Variants in SPIRE1 observed in about 807,000 individuals in gnomAD.
The protein encoded by SPIRE1 is protein spire homolog 1.
In SPIRE1, 40 loss-of-function variants were observed where a neutral mutation model predicts 94.1. The ratio of observed to expected loss-of-function variants is 0.43; its 90% CI spans 0.33 to 0.55. The LOEUF is 0.55. Ranked by LOEUF, SPIRE1 falls within the 20% of genes least tolerant of loss-of-function variation. The pLI is 0.06. For missense variants in SPIRE1, 838 were observed against 975.2 expected (o/e 0.86, Z 1.87); for synonymous variants, 376 against 371.7 (o/e 1.01, Z -0.13).
intron 16 of SPIRE1, among the ~76,000 whole-genome samples, chr18:12,450,103 G>A (rs1286564124): frequency 2.6e-5 from 4 of 152,004 alleles, no homozygotes; most frequent in Non-Finnish European, 5.9e-5. Context: ...GGCCTAGTGC[G>A]GTGGCTCACG....
intron 2 of SPIRE1, among the ~76,000 whole-genome samples, chr18:12,570,645 C>T (rs2035938749): frequency 6.6e-6 from 1 of 152,164 alleles, no homozygotes; most frequent in African/African-American, 2.4e-5. Context: ...AAAACTGAGG[C>T]AGTTAATATA....
At chr18:12,543,196 C>T (rs2035058450) in intron 3 of SPIRE1, among the ~76,000 whole-genome samples, 1 of 152,200 alleles carries the variant, frequency 6.6e-6, no homozygotes. Context: ...GGACTGCCTT[C>T]TGCCTGATGT....
intron 2 of SPIRE1, among the ~76,000 whole-genome samples, chr18:12,564,488 C>T (rs2035767184): frequency 6.6e-6 from 1 of 152,124 alleles, no homozygotes; most frequent in Non-Finnish European, 1.5e-5. Flanking sequence ...GTTTCTAAAT[C>T]CACATGTAAG....
chr18:12,505,309 C>T (rs538765866), intron 6 of SPIRE1, among the ~76,000 whole-genome samples: 13 of 152,100 alleles, frequency 8.5e-5, no homozygotes, highest in South Asian at 2.1e-4. Flanking sequence ...CTTTGGGAGG[C>T]GGAGGCAGGT....
At chr18:12,461,514 A>ATATGTGTGGTATGTACG in intron 12 of SPIRE1, among the ~76,000 whole-genome samples, 1 of 134,680 alleles carries the variant, frequency 7.4e-6, no homozygotes, top group African/African-American at 2.8e-5. Context: ...ATGTACGTAC[A>ATATGTGTGGTATGTACG]TACATATGTG....
At chr18:12,458,107 G>A (rs1452797704) in intron 12 of SPIRE1, among the ~76,000 whole-genome samples, 3 of 151,184 alleles carry the variant, frequency 2.0e-5, no homozygotes, top group Non-Finnish European at 4.4e-5. Context: ...GCCTCCCAAA[G>A]TGCTGGGATT....
At chr18:12,654,747 A>T (rs2038487346) in intron 1 of SPIRE1, among the ~76,000 whole-genome samples, 1 of 146,834 alleles carries the variant, frequency 6.8e-6, no homozygotes, top group Non-Finnish European at 1.5e-5. Context: ...CTGAAACGAG[A>T]AGTCAGGCGC....
chr18:12,649,344 G>A (rs1271630368), intron 1 of SPIRE1, among the ~76,000 whole-genome samples: 4 of 152,062 alleles, frequency 2.6e-5, no homozygotes, highest in Admixed American at 1.3e-4. Flanking sequence ...AGGAGCCGGG[G>A]GCTGCAGCGA....
chr18:12,581,650 G>A lies in SPIRE1; in HGVS notation c.373-34746C>T, dbSNP rs926925909. Among the ~76,000 whole-genome samples, 10 of 152,168 alleles carry A rather than the reference G, an allele frequency of 6.6e-5. No individual in the cohort carries two copies. In the East Asian group the frequency reaches 1.3e-3, roughly 21 times the overall value. On this transcript the variant is annotated intron_variant, in intron 2 of 16. Transcript: ENST00000409402. Reference sequence around the variant, plus strand: ...AGGTCAAGGCGGGCGGATGACCTGAGGTCAGGAATTTGAGACCAGCCTGGC... The same window carrying A: ...AGGTCAAGGCGGGCGGATGACCTGAAGTCAGGAATTTGAGACCAGCCTGGC...
intron 6 of SPIRE1, among the ~76,000 whole-genome samples, chr18:12,497,227 T>G (rs2033489695): frequency 6.6e-6 from 1 of 152,198 alleles, no homozygotes; most frequent in East Asian, 1.9e-4. Context: ...GTAGAAGAGC[T>G]ATTGTGGAGG....
At chr18:12,533,992 G>A (rs2034768431) in intron 4 of SPIRE1, among the ~76,000 whole-genome samples, 1 of 150,642 alleles carries the variant, frequency 6.6e-6, no homozygotes, top group Non-Finnish European at 1.5e-5. Flanking sequence ...TTCACAGAGG[G>A]TTCACCTTTT....
rs372379541 is a variant in SPIRE1 at position 12,568,652 on chromosome 18, A to G, written c.373-21748T>C. Among the ~76,000 whole-genome samples the G allele has an allele frequency of 2.6e-5, 4 of 152,344 alleles. No homozygotes were observed. In the East Asian group the frequency reaches 7.7e-4, roughly 29 times the overall value. ...TTGGATTATGGCTAATTATATACCT[A>G]TCTTAATTCTCCAACAAGACTAAGC... On this transcript the variant is annotated intron_variant, in intron 2 of 16. Coordinates refer to ENST00000409402, the MANE Select transcript of SPIRE1 (RefSeq NM_001128626.2).
At chr18:12,593,639 G>A (rs554641363) in intron 2 of SPIRE1, among the ~76,000 whole-genome samples, 1 of 152,314 alleles carries the variant, frequency 6.6e-6, no homozygotes, top group South Asian at 2.1e-4. Flanking sequence ...ATGGTTTAGT[G>A]GGAGATACAC....
At position 12,447,620 on chromosome 18, in the gene SPIRE1, G is replaced by T. The variant is rs1454025132; in HGVS notation, c.*2018C>A. 1 of 152,162 alleles carries T rather than the reference G, an allele frequency of 6.6e-6. No individual in the cohort carries two copies. The highest frequency in any genetic ancestry group is 1.5e-5 in the Non-Finnish European group (1 of 68,026). The allele number at this position is 152,162 out of a possible 1,614,324, so 9.4% of individuals were successfully genotyped here. On this transcript the variant is annotated 3_prime_UTR_variant, in exon 17 of 17. Transcript: ENST00000409402. Reference sequence around the variant, plus strand: ...AACTCCGTTAATGCTGTTGAAGAATGTATGTTCTGTGCTGTGGTAAGAGGT... The same window carrying T: ...AACTCCGTTAATGCTGTTGAAGAATTTATGTTCTGTGCTGTGGTAAGAGGT...
chr18:12,542,359 A>G (rs1240316883), intron 3 of SPIRE1, among the ~76,000 whole-genome samples: 1 of 152,194 alleles, frequency 6.6e-6, no homozygotes, highest in East Asian at 1.9e-4. Flanking sequence ...GTCAATTTAG[A>G]CTAACCACAT....
At chr18:12,658,252 C>G, upstream of SPIRE1, 1 of 465,482 alleles carries the variant, frequency 2.1e-6, no homozygotes, top group Non-Finnish European at 4.1e-6. Flanking sequence ...GATGGCCGCA[C>G]GGTCTCTAGC....
At position 12,464,912 on chromosome 18, in the gene SPIRE1, G is replaced by C. The variant is rs1356435489; in HGVS notation, c.1451C>G (p.Ser484Cys). The C allele has an allele frequency of 6.2e-7, 1 of 1,614,076 alleles. No homozygotes were observed. Among genetic ancestry groups the C allele is most frequent in the Admixed American group, 1.7e-5 (1 of 59,998 alleles). ...CTCCAGGACTGGCTCTTCAGGGAAA[G>C]AGGGAGACACGCTGCTGCTGCTGGT... ...KSTSSSSVSPSFPEEPVLEAV... is the reference protein window; with the variant it reads ...KSTSSSSVSPCFPEEPVLEAV... Residue 484 changes from serine (S) to cysteine (C), a missense_variant, in exon 11 of 17, where the codon TCT becomes TGT. Ser to Cys is a moderately radical substitution (Grantham distance 112). This residue lies in a region of SPIRE1 where 645 missense variants were observed against 804.7 expected (regional missense o/e 0.80). Transcript: ENST00000409402.
chr18:12,539,418 C>A (rs1016280759), intron 3 of SPIRE1, among the ~76,000 whole-genome samples: 2 of 152,128 alleles, frequency 1.3e-5, no homozygotes, highest in African/African-American at 4.8e-5. Flanking sequence ...CCTCCTTAGC[C>A]ACGTGGAACT....
At chr18:12,485,815 G>A in intron 9 of SPIRE1, 144 bp downstream of exon 9, 2 of 645,654 alleles carry the variant, frequency 3.1e-6, no homozygotes, top group Non-Finnish European at 5.4e-6. Flanking sequence ...CAAACAAGCA[G>A]AATGTTTTAT....
Sources: allele counts gnomAD v4.1 joint callset (sites outside exome capture counted in the v4.1 genomes callset), GRCh38; gene constraint gnomAD v4.1.1; regional missense constraint gnomAD v4.1.1; transcripts MANE v1.5; gene names NCBI Gene and HGNC (gene_info 2026-07-23, HGNC 2026-07-21).